MAP3K19: variants seen among roughly 807,000 people sequenced by gnomAD.
MAP3K19 encodes mitogen-activated protein kinase kinase kinase 19.
In MAP3K19, 91 loss-of-function variants were observed where a neutral mutation model predicts 114.4. The ratio of observed to expected loss-of-function variants is 0.80; its 90% confidence interval spans 0.67 to 0.95. The LOEUF (loss-of-function observed/expected upper bound fraction) is 0.95. MAP3K19 is among the 40% of genes least tolerant of loss of function. The pLI is 0.00. For missense variants in MAP3K19, 1,471 were observed against 1,573.2 expected, an observed-to-expected ratio of 0.94 and a Z score of 1.10; for synonymous variants, 518 against 530.5, an observed-to-expected ratio of 0.98 and a Z score of 0.32.
intron 3 of MAP3K19, among the ~76,000 whole-genome samples, chr2:135,026,788 G>A (rs915152117): frequency 2.6e-5 from 4 of 152,100 alleles, no homozygotes; most frequent in African/African-American, 7.2e-5. Context: ...TATCTTGGGG[G>A]TAGAGAGCTG....
intron 5 of MAP3K19, among the ~76,000 whole-genome samples, chr2:135,016,436 T>C: frequency 6.6e-6 from 1 of 152,226 alleles, no homozygotes; most frequent in East Asian, 1.9e-4. Flanking sequence ...TGATATCTAG[T>C]AGTGTAAATC....
At chr2:135,011,086 C>T (rs770759125) in intron 5 of MAP3K19, among the ~76,000 whole-genome samples, 5 of 152,030 alleles carry the variant, frequency 3.3e-5, no homozygotes, top group Non-Finnish European at 7.4e-5. Context: ...GAAAACAAAG[C>T]TTTCATTTAA....
At position 134,964,576 on chromosome 2, in the gene MAP3K19, G is replaced by C. The variant is rs1470951603; in HGVS notation, c.*274C>G. 1.2e-5 allele frequency: 3 copies of C among 252,776 alleles called. No homozygotes were observed. Among genetic ancestry groups the C allele is most frequent in the Non-Finnish European group, 2.3e-5 (3 of 132,410 alleles). The allele number at this position is 252,776 out of a possible 1,614,324, so 15.7% of individuals were successfully genotyped here. A position where few individuals can be genotyped will look rare whatever the true frequency, so the allele number is the denominator to read the frequency against. On this transcript the variant is annotated 3_prime_UTR_variant, in exon 13 of 13. Coordinates refer to ENST00000392915, the MANE Select transcript of MAP3K19 (RefSeq NM_025052.5). ...AAAAGAAATGTCATATAAAACAATA[G>C]AGAATGTAGTTCCTGGACAATCAAA... is the stretch of plus-strand genomic sequence containing the variant.
chr2:135,023,596 T>A, intron 4 of MAP3K19: 1 of 516,558 alleles, frequency 1.9e-6, no homozygotes, highest in Non-Finnish European at 4.0e-6. Flanking sequence ...TTGACTCAAG[T>A]TTCTCAGCGG....
chr2:134,998,984 A>T lies in MAP3K19; in HGVS notation c.328T>A (p.Ser110Thr). 6.2e-7 allele frequency: 1 copy of T among 1,613,120 alleles called. No homozygotes were observed. The highest frequency in any genetic ancestry group is 8.5e-7 in the Non-Finnish European group (1 of 1,179,816). Residue 110 changes from serine (S) to threonine (T), a missense_variant, in exon 8 of 13, where the codon TCG (serine) becomes ACG (threonine). Physicochemically the swap from Ser to Thr is moderately conservative, Grantham distance 58. Coordinates refer to ENST00000392915, the MANE Select transcript of MAP3K19 (RefSeq NM_025052.5). ...DLKEKNLINS[S>T]LQEWAQAHAV... is the part of the protein sequence containing the mutation. The stretch of plus-strand genomic sequence containing the variant: ...TGTGCTTGTGCCCATTCTTGAAGCG[A>T]TGAGTTTATCAGACTAAAGGGGGAG...
chr2:134,986,869 G>A lies in MAP3K19; in HGVS notation c.2003C>T (p.Thr668Ile). 1.2e-6 allele frequency: 2 copies of A among 1,614,100 alleles called. No individual in the cohort carries two copies. Among genetic ancestry groups the A allele is most frequent in the Non-Finnish European group, 1.7e-6 (2 of 1,180,012 alleles). The change falls in exon 10 of 13, where the codon ACC becomes ATC. Residue 668 changes from threonine to isoleucine, a missense_variant. Thr to Ile is a moderately conservative substitution (Grantham distance 89). Coordinates refer to ENST00000392915, the MANE Select transcript of MAP3K19 (RefSeq NM_025052.5). ...CTCTCGCACATGACAATAAACAGGG[G>A]TCCCAAACATTTCATAGATTCCAGG... ...NGPGIYEMFGTPVYCHVRETE... is the reference protein window; with the variant it reads ...NGPGIYEMFGIPVYCHVRETE...
intron 2 of MAP3K19, among the ~76,000 whole-genome samples, chr2:135,031,924 C>T (rs1688390055): frequency 1.3e-5 from 2 of 152,118 alleles, no homozygotes; most frequent in African/African-American, 4.8e-5. Flanking sequence ...CACCATGGTC[C>T]CTTGTCTGAA....
At chr2:134,993,205 G>C (rs890277752) in intron 8 of MAP3K19, among the ~76,000 whole-genome samples, 1 of 152,064 alleles carries the variant, frequency 6.6e-6, no homozygotes, top group African/African-American at 2.4e-5. Flanking sequence ...ATGTTGTGAG[G>C]GTCAAACAAA....
chr2:135,038,227 G>A (rs895485795), intron 2 of MAP3K19, among the ~76,000 whole-genome samples: 1 of 152,020 alleles, frequency 6.6e-6, no homozygotes, highest in Non-Finnish European at 1.5e-5. Flanking sequence ...GAGTAGGATA[G>A]GGAGATAAAT....
chr2:134,991,637 A>C, intron 8 of MAP3K19, 57 bp from the exon 9 acceptor site: 1 of 1,434,498 alleles, frequency 7.0e-7, no homozygotes, highest in Non-Finnish European at 9.8e-7. Context: ...AAACAGTCTC[A>C]AGCCAGAGTC....
chr2:134,986,826 G>A lies in MAP3K19; in HGVS notation c.2046C>T (p.Asn682=), dbSNP rs1685162428. ...CHVRETERDE[N]TYYREICSAP... ...CCGAACATATCTCACGGTAATACGT[G>A]TTTTCATCCCTTTCAGTCTCTCGCA... Residue 682 remains asparagine (N), a synonymous_variant, in exon 10 of 13, where the codon AAC becomes AAT. Coordinates refer to ENST00000392915, the MANE Select transcript of MAP3K19 (RefSeq NM_025052.5). 1 of 1,614,184 alleles carries A rather than the reference G, an allele frequency of 6.2e-7. No individual in the cohort carries two copies. Among genetic ancestry groups the A allele is most frequent in the Non-Finnish European group, 8.5e-7 (1 of 1,180,050 alleles).
At chr2:135,025,456 G>C (rs1299845707) in intron 3 of MAP3K19, among the ~76,000 whole-genome samples, 1 of 142,218 alleles carries the variant, frequency 7.0e-6, no homozygotes, top group African/African-American at 2.7e-5. Context: ...CGCGATCTCG[G>C]CTCACTGCAA....
chr2:135,029,303 G>A (rs1234888975), intron 3 of MAP3K19, among the ~76,000 whole-genome samples: 1 of 152,166 alleles, frequency 6.6e-6, no homozygotes, highest in African/African-American at 2.4e-5. Flanking sequence ...GTGAACCCGG[G>A]AGGTGGAGAT....
At chr2:135,020,569 C>T (rs903393042) in intron 5 of MAP3K19, among the ~76,000 whole-genome samples, 2 of 152,222 alleles carry the variant, frequency 1.3e-5, no homozygotes, top group Non-Finnish European at 2.9e-5. Context: ...GATCTTCAGC[C>T]TCACAAACTG....
intron 9 of MAP3K19, among the ~76,000 whole-genome samples, chr2:134,990,623 C>T (rs1330036163): frequency 6.6e-6 from 1 of 151,872 alleles, no homozygotes; most frequent in African/African-American, 2.4e-5. Context: ...ACTACAGGCA[C>T]CCGCCACCAT....
Position 134,986,852 on chromosome 2 carries a change from C to T in MAP3K19, c.2020G>A (p.Val674Met). ...TTTTCATCCCTTTCAGTCTCTCGCA[C>T]ATGACAATAAACAGGGGTCCCAAAC... ...EMFGTPVYCH[V>M]RETERDENTY... The change falls in exon 10 of 13, where the codon GTG (valine) becomes ATG (methionine). Residue 674 changes from valine to methionine, a missense_variant. Transcript: ENST00000392915. 1.2e-6 allele frequency: 2 copies of T among 1,614,210 alleles called. No homozygotes were observed. Among genetic ancestry groups the T allele is most frequent in the Non-Finnish European group, 8.5e-7 (1 of 1,180,042 alleles).
intron 8 of MAP3K19, among the ~76,000 whole-genome samples, chr2:134,995,450 A>G (rs1685917782): frequency 1.3e-5 from 2 of 152,272 alleles, no homozygotes; most frequent in South Asian, 4.1e-4. Context: ...TGGGCAGTGG[A>G]TCCAGAGAGC....
At chr2:135,044,519 G>T (rs1342815568) in intron 1 of MAP3K19, among the ~76,000 whole-genome samples, 1 of 152,214 alleles carries the variant, frequency 6.6e-6, no homozygotes, top group East Asian at 1.9e-4. Flanking sequence ...GAACCTGGGA[G>T]GCAGAGGTTG....
chr2:135,046,114 T>C (rs1329826688), intron 1 of MAP3K19, among the ~76,000 whole-genome samples: 6 of 152,156 alleles, frequency 3.9e-5, no homozygotes, highest in Non-Finnish European at 8.8e-5. Context: ...TTTATTTTTG[T>C]AGAGACAGAG....
Sources: gnomAD v4.1 joint callset for allele counts (sites outside exome capture counted in the v4.1 genomes callset) on GRCh38, gnomAD v4.1.1 for gene constraint, MANE v1.5 for transcripts, NCBI Gene and HGNC (gene_info 2026-07-23, HGNC 2026-07-21) for gene names.